The following ZNF611 variants were observed in gnomAD, a reference collection of about 807,000 sequenced individuals.
ZNF611 encodes zinc finger protein 611.
A neutral mutation model predicts 8.9 loss-of-function variants in ZNF611; 6 were observed. The ratio of observed to expected loss-of-function variants is 0.68; its 90% confidence interval spans 0.37 to 1.34. ZNF611 has a LOEUF of 1.34. Among genes scored for constraint, ZNF611 ranks in the 40% most tolerant of loss-of-function variants. The probability of loss-of-function intolerance (pLI) is 0.02; values close to 1 mark genes in which losing one functional copy is unlikely to be tolerated. For synonymous variants in ZNF611, 262 were observed against 279.7 expected (o/e 0.94, Z 0.63); for missense variants, 874 against 841.3 (o/e 1.04, Z -0.48).
At position 52,705,933 on chromosome 19, in the gene ZNF611, T is replaced by C. The variant is rs776558017; in HGVS notation, c.1122A>G (p.Glu374=). The C allele has an allele frequency of 6.2e-7, 1 of 1,614,088 alleles. No individual in the cohort carries two copies. ...HTGEKPYKCE[E]CDKVFSRKST... ...ATTTCCGACTGAAAACTTTGTCACA[T>C]TCTTCACATTTGTAAGGTTTCTCTC... The change falls in exon 6 of 6, where the codon GAA becomes GAG. Residue 374 remains glutamate (E), a synonymous_variant. Coordinates refer to ENST00000652185, the MANE Select transcript of ZNF611 (RefSeq NM_001161499.2).
intron 2 of ZNF611, among the ~76,000 whole-genome samples, chr19:52,729,508 A>AG: frequency 6.8e-6 from 1 of 146,734 alleles, no homozygotes; most frequent in African/African-American, 2.6e-5. Flanking sequence ...AAAAAAAAAA[A>AG]AAAAAAAAAA....
chr19:52,711,432 G>A (rs2062279266), intron 5 of ZNF611: 1 of 152,060 alleles, frequency 6.6e-6, no homozygotes, highest in African/African-American at 2.4e-5. Flanking sequence ...CAGTGTTCAT[G>A]TACATGACCC....
Position 52,705,383 on chromosome 19 carries a change from T to G in ZNF611, c.1672A>C (p.Arg558=). 1 of 1,614,132 alleles carries G rather than the reference T, an allele frequency of 6.2e-7. No homozygotes were observed. The highest frequency in any genetic ancestry group is 8.5e-7 in the Non-Finnish European group (1 of 1,180,026). The part of the protein sequence containing the change: ...ACHSYLAKHT[R]IHSGEKPYKC... ...TAAGGTTTCTCTCCACTATGAATTC[T>G]AGTATGTTTTGCCAGATAGGAATGA... The change falls in exon 6 of 6, where the codon AGA becomes CGA. Residue 558 remains arginine (R), a synonymous_variant. Coordinates refer to ENST00000652185, the MANE Select transcript of ZNF611 (RefSeq NM_001161499.2).
intron 1 of ZNF611, among the ~76,000 whole-genome samples, chr19:52,733,327 G>GTC (rs1186670704): frequency 6.6e-6 from 1 of 151,998 alleles, no homozygotes; most frequent in Admixed American, 6.6e-5. Flanking sequence ...TGGAGACAAG[G>GTC]TCTCGCTCTG....
intron 3 of ZNF611, among the ~76,000 whole-genome samples, chr19:52,722,994 G>T (rs2062369717): frequency 7.0e-6 from 1 of 142,036 alleles, no homozygotes; most frequent in Non-Finnish European, 1.5e-5. Flanking sequence ...CAATCTCTCT[G>T]TCCCAGTCTC....
intron 4 of ZNF611, among the ~76,000 whole-genome samples, chr19:52,714,962 C>T (rs2062306878): frequency 2.6e-5 from 4 of 151,698 alleles, no homozygotes. Context: ...CGCACCACTG[C>T]ACTTTAGCCT....
Position 52,704,742 on chromosome 19 carries a change from G to C in ZNF611, c.*195C>G. On this transcript the variant is annotated 3_prime_UTR_variant, in exon 6 of 6. Coordinates refer to ENST00000652185, the MANE Select transcript of ZNF611 (RefSeq NM_001161499.2). The stretch of plus-strand genomic sequence containing the variant: ...GATGGTGAATAAGTGTTGACTGCTT[G>C]CCAAAGGCTTTGCCACACTCATTAC... 2 of 1,598,158 alleles carry C rather than the reference G, an allele frequency of 1.3e-6. No individual in the cohort carries two copies. Among genetic ancestry groups the C allele is most frequent in the South Asian group, 1.1e-5 (1 of 90,052 alleles).
In ZNF611 at chr19:52,704,503, GCA is replaced by G. The variant is rs1250650862; in HGVS notation, c.*432_*433del. ...GGATGAAGCTTGACTGAAGACCTTG[GCA>G]CAGTCATGACATTTGTAAGGTTTCT... On this transcript the variant is annotated 3_prime_UTR_variant, in exon 6 of 6. Coordinates refer to ENST00000652185, the MANE Select transcript of ZNF611 (RefSeq NM_001161499.2). The G allele has an allele frequency of 2.0e-6, 2 of 993,336 alleles. No homozygotes were observed. Among genetic ancestry groups the G allele is most frequent in the Admixed American group, 1.9e-5 (1 of 52,136 alleles). The allele number at this position is 993,336 out of a possible 1,614,324, so 61.5% of individuals were successfully genotyped here. A position where few individuals can be genotyped will look rare whatever the true frequency, so the allele number is the denominator to read the frequency against.
intron 3 of ZNF611, among the ~76,000 whole-genome samples, chr19:52,719,652 A>T (rs549295192): frequency 6.6e-6 from 1 of 152,152 alleles, no homozygotes; most frequent in South Asian, 2.1e-4. Context: ...CTGTTCCATC[A>T]TTCTATACAT....
At chr19:52,726,766 T>C (rs2062396227) in intron 3 of ZNF611, among the ~76,000 whole-genome samples, 1 of 151,244 alleles carries the variant, frequency 6.6e-6, no homozygotes, top group Non-Finnish European at 1.5e-5. Flanking sequence ...TTTCATGGTG[T>C]GACACAGGGA....
At chr19:52,712,456 TAAAAAAAAAAAAAA>T (rs55649603) in intron 5 of ZNF611, among the ~76,000 whole-genome samples, 4 of 37,436 alleles carry the variant, frequency 1.1e-4, no homozygotes, top group East Asian at 2.3e-3. Flanking sequence ...CTGTCTCTAC[TAAAAAAAAAAAAAA>T]AAAAAAAAAA....
chr19:52,724,831 T>C (rs186853203), intron 3 of ZNF611, among the ~76,000 whole-genome samples: 3 of 152,240 alleles, frequency 2.0e-5, no homozygotes, highest in Admixed American at 6.5e-5. Context: ...AGCCTCCCTC[T>C]TTGCTGCCCC....
At chr19:52,725,199 G>C (rs576855156) in intron 3 of ZNF611, among the ~76,000 whole-genome samples, 2 of 152,188 alleles carry the variant, frequency 1.3e-5, no homozygotes, top group African/African-American at 4.8e-5. Flanking sequence ...CCTCCCCAAC[G>C]CTGGCTCAGG....
intron 5 of ZNF611, among the ~76,000 whole-genome samples, chr19:52,709,062 A>G (rs1216800760): frequency 6.6e-6 from 1 of 152,172 alleles, no homozygotes; most frequent in Non-Finnish European, 1.5e-5. Context: ...CAAATTGCAC[A>G]ATAAGAACAA....
At chr19:52,718,770 C>T (rs567013669) in intron 3 of ZNF611, among the ~76,000 whole-genome samples, 1 of 152,110 alleles carries the variant, frequency 6.6e-6, no homozygotes, top group South Asian at 2.1e-4. Flanking sequence ...TGCACTACAG[C>T]CTGGGCAACA....
At chr19:52,719,760 T>C (rs184591993) in intron 3 of ZNF611, among the ~76,000 whole-genome samples, 1 of 152,290 alleles carries the variant, frequency 6.6e-6, no homozygotes, top group Non-Finnish European at 1.5e-5. Context: ...CTTCATTCTT[T>C]TTTGTTTTGT....
At chr19:52,714,234 G>A (rs932741989) in intron 4 of ZNF611, 93 bp from the exon 5 acceptor site, 16 of 1,557,888 alleles carry the variant, frequency 1.0e-5, no homozygotes, top group African/African-American at 1.4e-5. Context: ...GTATTTATTT[G>A]ATCAAAGATT....
At chr19:52,715,750 C>G in intron 4 of ZNF611, 82 bp downstream of exon 4, 1 of 1,587,086 alleles carries the variant, frequency 6.3e-7, no homozygotes, top group Non-Finnish European at 8.5e-7. Flanking sequence ...ATGCTTCAGA[C>G]TCAGAAAAGA....
At chr19:52,734,186 G>T (rs2161527) in intron 1 of ZNF611, among the ~76,000 whole-genome samples, 111 of 47,728 alleles carry the variant, frequency 2.3e-3, no homozygotes, top group Middle Eastern at 8.9e-3. Context: ...TGCTTTCTTA[G>T]GTTTTTTTTT....
Sources: gnomAD v4.1 joint callset for allele counts (sites outside exome capture counted in the v4.1 genomes callset) on GRCh38, gnomAD v4.1.1 for gene constraint, MANE v1.5 for transcripts, NCBI Gene and HGNC (gene_info 2026-07-23, HGNC 2026-07-21) for gene names.